Variants in SUGCT observed in about 807,000 individuals in gnomAD.
SUGCT encodes succinyl-CoA:glutarate CoA-transferase.
SUGCT carries 41 observed loss-of-function variants against 55.0 expected under a neutral mutation model. The observed-to-expected ratio is 0.74, with a 90% CI of 0.58 to 0.97. The LOEUF (loss-of-function observed/expected upper bound fraction) is 0.97. Ranked by LOEUF, SUGCT falls within the 50% of genes least tolerant of loss-of-function variation. The probability of loss-of-function intolerance (pLI) is 0.00; values close to 1 mark genes in which losing one functional copy is unlikely to be tolerated. For synonymous variants in SUGCT, 187 were observed against 200.4 expected (o/e 0.93, Z 0.56); for missense variants, 568 against 547.8 (o/e 1.04, Z -0.37).
chr7:40,469,819 G>C (rs1185164110), intron 11 of SUGCT, among the ~76,000 whole-genome samples: 1 of 152,086 alleles, frequency 6.6e-6, no homozygotes, highest in East Asian at 1.9e-4. Flanking sequence ...TGTATACGGA[G>C]GGGATGATGG....
intron 8 of SUGCT, among the ~76,000 whole-genome samples, chr7:40,299,762 A>G (rs1173074060): frequency 1.3e-5 from 2 of 152,162 alleles, no homozygotes; most frequent in Non-Finnish European, 2.9e-5. Context: ...TTGCTATTTT[A>G]TAGTCAAACT....
chr7:40,504,792 A>T (rs1164533162), intron 12 of SUGCT, among the ~76,000 whole-genome samples: 1 of 152,178 alleles, frequency 6.6e-6, no homozygotes, highest in Non-Finnish European at 1.5e-5. Context: ...GTGAATTTTC[A>T]TGTCAATTAA....
the SUGCT span, among the ~76,000 whole-genome samples, chr7:40,868,897 A>G: frequency 6.6e-6 from 1 of 152,210 alleles, no homozygotes; most frequent in East Asian, 1.9e-4. Flanking sequence ...AAATAATTTT[A>G]GATTTACAAA....
the SUGCT span, among the ~76,000 whole-genome samples, chr7:40,903,876 G>A: frequency 6.6e-6 from 1 of 152,156 alleles, no homozygotes; most frequent in African/African-American, 2.4e-5. Context: ...ATTGACAACT[G>A]ACCTTGTGTC....
chr7:40,389,010 A>G (rs1785265639), intron 9 of SUGCT, among the ~76,000 whole-genome samples: 1 of 152,218 alleles, frequency 6.6e-6, no homozygotes, highest in Non-Finnish European at 1.5e-5. Flanking sequence ...TCATTGTCAA[A>G]ATATGCTTGT....
chr7:40,792,276 C>G (rs147067369), intron 13 of SUGCT, among the ~76,000 whole-genome samples: 313 of 152,176 alleles, frequency 2.1e-3, no homozygotes, highest in Non-Finnish European at 3.4e-3. Context: ...AAGCAGGGTA[C>G]AGCAGTTAAT....
chr7:40,764,088 C>G (rs1788662744), intron 13 of SUGCT, among the ~76,000 whole-genome samples: 1 of 151,876 alleles, frequency 6.6e-6, no homozygotes, highest in Non-Finnish European at 1.5e-5. Flanking sequence ...AAAGCACCCC[C>G]ACCAAAAAAA....
At chr7:40,925,951 A>G in the SUGCT span, among the ~76,000 whole-genome samples, 105 of 152,200 alleles carry the variant, frequency 6.9e-4, 2 homozygotes, top group South Asian at 0.013. Flanking sequence ...AGAATTATCC[A>G]GGCATGGTGG....
chr7:40,958,254 G>A, the SUGCT span, among the ~76,000 whole-genome samples: 2 of 152,090 alleles, frequency 1.3e-5, no homozygotes, highest in African/African-American at 2.4e-5. Context: ...CCTGAAGCAC[G>A]TTTTCCAGCT....
rs975738013 is a variant in SUGCT at position 40,478,459 on chromosome 7, A to G, written c.987-17825A>G. 3.3e-5 allele frequency among the ~76,000 whole-genome samples: 5 copies of G among 152,212 alleles called. No homozygotes were observed. The East Asian group carries it at 5.8e-4, about 18-fold the overall frequency. On this transcript the variant is annotated intron_variant, in intron 11 of 13. Transcript: ENST00000335693. ...TTGATGATGAAACTAAGGCTTAAAG[A>G]CTTAAGATACTGTAAGGTCATGATG... is the stretch of plus-strand genomic sequence containing the variant.
chr7:40,605,168 G>C (rs982286961), intron 12 of SUGCT, among the ~76,000 whole-genome samples: 1 of 152,220 alleles, frequency 6.6e-6, no homozygotes, highest in African/African-American at 2.4e-5. Context: ...ACAGCCTTGA[G>C]TTATTTGGGG....
chr7:40,566,743 A>G (rs1279648020), intron 12 of SUGCT, among the ~76,000 whole-genome samples: 2 of 152,194 alleles, frequency 1.3e-5, no homozygotes, highest in African/African-American at 2.4e-5. Context: ...CTTTCTCAAA[A>G]TGTGATTATT....
intron 12 of SUGCT, among the ~76,000 whole-genome samples, chr7:40,708,604 A>G (rs143294569): frequency 3.7e-4 from 57 of 152,202 alleles, no homozygotes; most frequent in African/African-American, 1.3e-3. Context: ...CACCTATGTG[A>G]TCAGGGGCCT....
intron 6 of SUGCT, among the ~76,000 whole-genome samples, chr7:40,195,513 G>C (rs978111750): frequency 6.6e-6 from 1 of 151,340 alleles, no homozygotes; most frequent in Non-Finnish European, 1.5e-5. Context: ...GAGCCACCAC[G>C]TCCGGCCTTG....
intron 9 of SUGCT, among the ~76,000 whole-genome samples, chr7:40,415,103 T>A (rs1358986289): frequency 6.8e-5 from 10 of 147,130 alleles, no homozygotes; most frequent in Non-Finnish European, 1.5e-4. Flanking sequence ...TATCTATCTA[T>A]CTATCTATCT....
chr7:40,803,992 C>T (rs571538573), intron 13 of SUGCT, among the ~76,000 whole-genome samples: 244 of 152,286 alleles, frequency 1.6e-3, no homozygotes, highest in Non-Finnish European at 2.4e-3. Flanking sequence ...AGAAAATTCA[C>T]TTTCCACATG....
chr7:40,509,380 G>C (rs530420285), intron 12 of SUGCT, among the ~76,000 whole-genome samples: 3 of 151,946 alleles, frequency 2.0e-5, no homozygotes, highest in Non-Finnish European at 2.9e-5. Flanking sequence ...GATCACAAAG[G>C]GAAAAAGACC....
intron 11 of SUGCT, among the ~76,000 whole-genome samples, chr7:40,465,280 C>T (rs146528218): frequency 1.2e-4 from 19 of 152,208 alleles, no homozygotes; most frequent in African/African-American, 4.6e-4. Context: ...AGGTGCCAAA[C>T]AAGTATTTGT....
chr7:41,004,197 C>G, the SUGCT span, among the ~76,000 whole-genome samples: 1 of 152,226 alleles, frequency 6.6e-6, no homozygotes, highest in Non-Finnish European at 1.5e-5. Flanking sequence ...ATTAGGCCTT[C>G]TGTCTGATTC....
Sources: allele counts gnomAD v4.1 joint callset (sites outside exome capture counted in the v4.1 genomes callset), GRCh38; gene constraint gnomAD v4.1.1; transcripts MANE v1.5; gene names NCBI Gene and HGNC (gene_info 2026-07-23, HGNC 2026-07-21).